Variants in FN1 observed in about 807,000 individuals in gnomAD.
FN1 encodes the protein fibronectin.
FN1 carries 106 observed loss-of-function variants against 297.3 expected under a neutral mutation model. That is an observed-to-expected ratio of 0.36 (90% CI 0.30 to 0.42). FN1 has a LOEUF of 0.42. FN1 is among the 10% of genes least tolerant of loss of function. FN1 has a pLI of 1.00. For synonymous variants in FN1, 1,149 were observed against 1,152.6 expected, an observed-to-expected ratio of 1.00 and a Z score of 0.06; for missense variants, 2,690 against 3,124.9, an observed-to-expected ratio of 0.86 and a Z score of 3.32.
rs186603786 is a variant in FN1 at position 215,420,310 on chromosome 2, C to T, written c.1675+363G>A. ...GCCGAGATTGTGCCATACACTCCAG[C>T]CTGGGCAACAAGAGCGAAACTCTCT... is the stretch of plus-strand genomic sequence containing the variant. On this transcript the variant is annotated intron_variant, in intron 11 of 45. Transcript: ENST00000354785. Among the ~76,000 whole-genome samples, 797 of 151,860 alleles carry T rather than the reference C, an allele frequency of 5.2e-3. 3 individuals are homozygous for T. The highest frequency in any genetic ancestry group is 7.3e-3 in the Non-Finnish European group (493 of 67,988).
rs546940249 is a variant in FN1, at chr2:215,409,006, T to A, written c.2299+557A>T. Among the ~76,000 whole-genome samples, 17 of 152,306 alleles carry A rather than the reference T, an allele frequency of 1.1e-4. No individual in the cohort carries two copies. The East Asian group carries it at 3.3e-3, about 29-fold the overall frequency. On this transcript the variant is annotated intron_variant, in intron 15 of 45. Transcript: ENST00000354785. The stretch of plus-strand genomic sequence containing the variant: ...TTTTTGTAATCGAATGCCAAATTTT[T>A]AAAAATAGCTCTCTGCAGTAAGAGT...
intron 25 of FN1, chr2:215,392,044 T>A: frequency 1.9e-6 from 1 of 524,382 alleles, no homozygotes; most frequent in Non-Finnish European, 3.4e-6. Context: ...ATTGATATAT[T>A]TAAAAAAAAT....
In FN1 at chr2:215,434,422, A is replaced by G. The variant is rs540057861; in HGVS notation, c.277+274T>C. ...TTTTATAAGCAATTTTTTTTGTCGG[A>G]GGACACACAAAATCTTTCATTTTTC... is the stretch of plus-strand genomic sequence containing the variant. On this transcript the variant is annotated intron_variant, in intron 2 of 45. Transcript: ENST00000354785. Among the ~76,000 whole-genome samples, 11 of 152,080 alleles carry G rather than the reference A, an allele frequency of 7.2e-5. No individual in the cohort carries two copies. The South Asian group carries it at 1.5e-3, about 20-fold the overall frequency.
rs538259537 is a variant in FN1 at position 215,397,102 on chromosome 2, G to C, written c.3604+35C>G. On this transcript the variant is annotated intron_variant, in intron 23 of 45. Transcript: ENST00000354785. ...AAAATCTTTGTCTTGGGAAGGTATG[G>C]TGTATACTTGCCCTCTGATCCATCC... 4 of 1,272,712 alleles carry C rather than the reference G, an allele frequency of 3.1e-6. No individual in the cohort carries two copies. In the South Asian group the frequency reaches 3.6e-5, roughly 11 times the overall value. The allele number at this position is 1,272,712 out of a possible 1,614,324, so 78.8% of individuals were successfully genotyped here. A position where few individuals can be genotyped will look rare whatever the true frequency, so the allele number is the denominator to read the frequency against.
rs898925714 is a variant in FN1, at chr2:215,404,562, T to C, written c.3080A>G (p.Tyr1027Cys). The C allele has an allele frequency of 6.2e-7, 1 of 1,614,152 alleles. No individual in the cohort carries two copies. The highest frequency in any genetic ancestry group is 8.5e-7 in the Non-Finnish European group (1 of 1,180,006). ...WTPPRAQITG[Y>C]RLTVGLTRRG... The stretch of plus-strand genomic sequence containing the variant: ...TCGGGTAAGGCCCACGGTCAGTCGG[T>C]ATCCTGTTATCTGGGCCCGAGGTGG... Residue 1027 changes from tyrosine (Y) to cysteine (C), a missense_variant, in exon 20 of 46, where the codon TAC (tyrosine) becomes TGC (cysteine). Physicochemically the swap from Tyr to Cys is radical, Grantham distance 194. Around this residue, in one of 3 missense-constraint regions of FN1, gnomAD observed 1,743 missense variants for 1,945.2 expected, o/e 0.90. Coordinates refer to ENST00000354785, the MANE Select transcript of FN1 (RefSeq NM_212482.4).
Position 215,428,261 on chromosome 2 carries a change from G to C in FN1, c.763C>G (p.Leu255Val), listed in dbSNP as rs2065854559. 3 of 1,614,038 alleles carry C rather than the reference G, an allele frequency of 1.9e-6. No individual in the cohort carries two copies. Among genetic ancestry groups the C allele is most frequent in the Non-Finnish European group, 1.7e-6 (2 of 1,179,992 alleles). The stretch of plus-strand genomic sequence containing the variant: ...TTGCCTGTGCAGATGCACTGGAGCA[G>C]GTTTCCTCGATTATCCTTCTTGCTC... Reference protein sequence around the residue: ...TWSKKDNRGNLLQCICTGNGR... With the variant: ...TWSKKDNRGNVLQCICTGNGR... Residue 255 changes from leucine to valine, a missense_variant, in exon 6 of 46, where the codon CTG becomes GTG. By Grantham distance (32) the Leu-to-Val change is conservative. Coordinates refer to ENST00000354785, the MANE Select transcript of FN1 (RefSeq NM_212482.4).
Position 215,397,556 on chromosome 2 carries a change from T to C in FN1, c.3517+124A>G, listed in dbSNP as rs565381688. ...AAATTCAGGAATAGCATTAATAATATAAGTAAGGATAAGATATCTCCCCTG... is the reference window on the plus strand; with the variant it reads ...AAATTCAGGAATAGCATTAATAATACAAGTAAGGATAAGATATCTCCCCTG... On this transcript the variant is annotated intron_variant, in intron 22 of 45. Coordinates refer to ENST00000354785, the MANE Select transcript of FN1 (RefSeq NM_212482.4). The C allele has an allele frequency of 8.0e-5, 64 of 804,584 alleles. No individual in the cohort carries two copies. The South Asian group carries it at 8.7e-4, about 11-fold the overall frequency. The allele number at this position is 804,584 out of a possible 1,614,324, so 49.8% of individuals were successfully genotyped here.
chr2:215,420,396 T>C (rs1242601249), intron 11 of FN1, among the ~76,000 whole-genome samples: 2 of 151,784 alleles, frequency 1.3e-5, no homozygotes, highest in Non-Finnish European at 2.9e-5. Context: ...ATACTTTTAA[T>C]AGCATGGATT....
Position 215,383,244 on chromosome 2 carries a change from G to C in FN1, c.5050+84C>G, listed in dbSNP as rs1437182861. ...GCTGGTCTCGAACTCCTAACCTCAA[G>C]TGATCTGCCCGCATCAGCCTCCCAA... On this transcript the variant is annotated intron_variant, in intron 31 of 45. Coordinates refer to ENST00000354785, the MANE Select transcript of FN1 (RefSeq NM_212482.4). The C allele has an allele frequency of 2.2e-6, 3 of 1,369,492 alleles. No homozygotes were observed. The African/African-American group carries it at 4.3e-5, about 20-fold the overall frequency. 84.8% of individuals were successfully genotyped at this position (1,369,492 alleles called of 1,614,324 possible).
Position 215,404,543 on chromosome 2 carries a change from A to G in FN1, c.3099T>C (p.Leu1033=), listed in dbSNP as rs2061528744. Residue 1033 remains leucine, a synonymous_variant, in exon 20 of 46, where the codon CTT becomes CTC. Coordinates refer to ENST00000354785, the MANE Select transcript of FN1 (RefSeq NM_212482.4). ...ACTGCCTGGGCTGTCCTCTTCGGGT[A>G]AGGCCCACGGTCAGTCGGTATCCTG... is the stretch of plus-strand genomic sequence containing the variant. ...QITGYRLTVG[L]TRRGQPRQYN... The G allele has an allele frequency of 6.2e-7, 1 of 1,614,128 alleles. No individual in the cohort carries two copies. The highest frequency in any genetic ancestry group is 2.2e-5 in the East Asian group (1 of 44,880).
At position 215,394,706 on chromosome 2, in the gene FN1, A is replaced by G. The variant is rs1221805457; in HGVS notation, c.3618T>C (p.Tyr1206=). ...CGTTTGTAGGGGTTGTGGTAATTCT[A>G]TAACCAGTAATGTCTGGAGAAAAAA... ...ERSTTPDITG[Y]RITTTPTNGQ... Residue 1206 remains tyrosine, a synonymous_variant, in exon 24 of 46, where the codon TAT becomes TAC. Transcript: ENST00000354785. The G allele has an allele frequency of 6.2e-7, 1 of 1,613,846 alleles. No individual in the cohort carries two copies. The highest frequency in any genetic ancestry group is 8.5e-7 in the Non-Finnish European group (1 of 1,179,740).
At chr2:215,406,158 A>T in intron 19 of FN1, 80 bp downstream of exon 19, 1 of 1,393,400 alleles carries the variant, frequency 7.2e-7, no homozygotes, top group Non-Finnish European at 1.0e-6. Context: ...CCTCTGAGTG[A>T]ATGGTTTACT....
At chr2:215,364,260 CAA>C (rs972692410) in intron 44 of FN1, 25 of 175,544 alleles carry the variant, frequency 1.4e-4, no homozygotes, top group Admixed American at 8.1e-4. Context: ...TGTTCTGAAT[CAA>C]GAGAGAGGTT....
intron 6 of FN1, 82 bp downstream of exon 6, chr2:215,428,098 C>T: frequency 6.8e-7 from 1 of 1,479,746 alleles, no homozygotes; most frequent in South Asian, 1.1e-5. Context: ...CCTCAAATGG[C>T]ATGTCAAAGG....
At position 215,420,814 on chromosome 2, in the gene FN1, C is replaced by G; in HGVS notation, c.1547-13G>C. 6.2e-7 allele frequency: 1 copy of G among 1,613,810 alleles called. No homozygotes were observed. Among genetic ancestry groups the G allele is most frequent in the Non-Finnish European group, 8.5e-7 (1 of 1,179,740 alleles). ...ACAATGCACTGATCTGTTTAGGAAA[C>G]AGGTGGGTGAGTGAGAAACTTTTTA... On this transcript the variant is annotated splice_polypyrimidine_tract_variant and intron_variant, in intron 10 of 45. Coordinates refer to ENST00000354785, the MANE Select transcript of FN1 (RefSeq NM_212482.4).
intron 26 of FN1, among the ~76,000 whole-genome samples, chr2:215,391,022 T>C (rs1225339835): frequency 6.6e-6 from 1 of 152,226 alleles, no homozygotes; most frequent in African/African-American, 2.4e-5. Flanking sequence ...TCTATAATGG[T>C]TGGGACTAGA....
At chr2:215,376,380 G>A in intron 36 of FN1, 118 bp downstream of exon 36, 1 of 933,380 alleles carries the variant, frequency 1.1e-6, no homozygotes, top group Non-Finnish European at 1.7e-6. Context: ...CTAAAACTGG[G>A]TTATGATGAT....
chr2:215,434,711 C>T lies in FN1; in HGVS notation c.262G>A (p.Glu88Lys), dbSNP rs766293968. 1.2e-6 allele frequency: 2 copies of T among 1,614,190 alleles called. No homozygotes were observed. The highest frequency in any genetic ancestry group is 1.1e-5 in the South Asian group (1 of 91,084). The change falls in exon 2 of 46, where the codon GAG (glutamate) becomes AAG (lysine). Residue 88 changes from glutamate (E) to lysine (K), a missense_variant. Physicochemically the swap from Glu to Lys is moderately conservative, Grantham distance 56. Coordinates refer to ENST00000354785, the MANE Select transcript of FN1 (RefSeq NM_212482.4). ...CYGGSRGFNC[E>K]SKPEAEETCF... ...TGTCACTTACCTTCAGGTTTACTCT[C>T]GCAGTTAAAACCTCGGCTTCCTCCA... is the stretch of plus-strand genomic sequence containing the variant.
In FN1 at chr2:215,404,299, GT is replaced by G. The variant is rs1553632344; in HGVS notation, c.3253+89del. On this transcript the variant is annotated intron_variant, in intron 20 of 45. Coordinates refer to ENST00000354785, the MANE Select transcript of FN1 (RefSeq NM_212482.4). ...TTAAATTATGTACTAATTTTTTAAT[GT>G]TTTTTTTGTTTTGTTTTGTTTTGTT... 2,971 of 1,080,198 alleles carry G rather than the reference GT, an allele frequency of 2.8e-3. 113 individuals carry two copies. In the Admixed American group the frequency reaches 0.034, roughly 12 times the overall value. The allele number at this position is 1,080,198 out of a possible 1,614,324, so 66.9% of individuals were successfully genotyped here.
Sources: gnomAD v4.1 joint callset for allele counts (sites outside exome capture counted in the v4.1 genomes callset) on GRCh38, gnomAD v4.1.1 for gene constraint, gnomAD v4.1.1 regional missense constraint, MANE v1.5 for transcripts, NCBI Gene and HGNC (gene_info 2026-07-23, HGNC 2026-07-21) for gene names.